Variants in COL25A1 observed in about 807,000 individuals in gnomAD.
The protein encoded by COL25A1 is collagen alpha-1(XXV) chain.
A neutral mutation model predicts 128.4 loss-of-function variants in COL25A1; 103 were observed. The ratio of observed to expected loss-of-function variants is 0.80; its 90% CI spans 0.68 to 0.94. The LOEUF is 0.94. Among genes scored for constraint, COL25A1 ranks in the 40% least tolerant of loss-of-function variants. The pLI, the probability that COL25A1 is intolerant of heterozygous loss-of-function variation, is 0.00. For missense variants in COL25A1, 745 were observed against 840.0 expected (o/e 0.89, Z 1.40); for synonymous variants, 279 against 277.2 (o/e 1.01, Z -0.06).
chr4:108,864,707 G>C (rs1454783883), intron 20 of COL25A1, among the ~76,000 whole-genome samples: 1 of 152,176 alleles, frequency 6.6e-6, no homozygotes, highest in Non-Finnish European at 1.5e-5. Flanking sequence ...TGAGACTTGA[G>C]TCGTGTCCTG....
chr4:109,252,307 T>G (rs1451388643), intron 3 of COL25A1, among the ~76,000 whole-genome samples: 1 of 152,232 alleles, frequency 6.6e-6, no homozygotes, highest in Non-Finnish European at 1.5e-5. Context: ...TGCTGGTCTC[T>G]GCTGCTGTCA....
At chr4:108,857,480 C>T (rs1453876225) in intron 24 of COL25A1, among the ~76,000 whole-genome samples, 1 of 151,680 alleles carries the variant, frequency 6.6e-6, no homozygotes, top group Non-Finnish European at 1.5e-5. Flanking sequence ...AGCAACATTT[C>T]TCCAAGCAGT....
chr4:109,002,362 A>G (rs1755526965), intron 6 of COL25A1, among the ~76,000 whole-genome samples: 1 of 152,362 alleles, frequency 6.6e-6, no homozygotes, highest in East Asian at 1.9e-4. Context: ...TACATACACA[A>G]TGGAATATTA....
At chr4:108,892,989 G>C (rs1027349854) in intron 16 of COL25A1, among the ~76,000 whole-genome samples, 2 of 152,184 alleles carry the variant, frequency 1.3e-5, no homozygotes. Flanking sequence ...GGAAGGCCCG[G>C]CACCAATTAG....
intron 3 of COL25A1, among the ~76,000 whole-genome samples, chr4:109,078,167 C>T (rs895176208): frequency 5.3e-5 from 8 of 152,164 alleles, no homozygotes; most frequent in African/African-American, 1.9e-4. Context: ...ACTTCCTAAA[C>T]TCAAAACAAC....
intron 5 of COL25A1, among the ~76,000 whole-genome samples, chr4:109,035,181 G>A (rs1759223693): frequency 6.6e-6 from 1 of 152,116 alleles, no homozygotes; most frequent in African/African-American, 2.4e-5. Context: ...GCTACTGTCA[G>A]CCAACAAAGG....
At chr4:109,277,301 C>T (rs1181142227) in intron 3 of COL25A1, among the ~76,000 whole-genome samples, 7 of 152,212 alleles carry the variant, frequency 4.6e-5, no homozygotes, top group Admixed American at 4.6e-4. Flanking sequence ...CAGAGAGAAA[C>T]TTGTGTATAA....
At chr4:109,053,368 C>T (rs1299382736) in intron 3 of COL25A1, among the ~76,000 whole-genome samples, 2 of 152,214 alleles carry the variant, frequency 1.3e-5, no homozygotes, top group Non-Finnish European at 2.9e-5. Context: ...AGGCAAGCCT[C>T]CTAAACCACG....
chr4:108,954,336 C>T lies in COL25A1; in HGVS notation c.493-12899G>A, dbSNP rs138663675. On this transcript the variant is annotated intron_variant, in intron 8 of 37. Transcript: ENST00000399132. ...TGTGGTTGATAATGTTGTTATTTAA[C>T]GAAATGCAGTACATTTTTTATATTA... 2.4e-3 allele frequency among the ~76,000 whole-genome samples: 371 copies of T among 152,096 alleles called. 1 individual carries two copies. The highest frequency in any genetic ancestry group is 3.7e-3 in the Non-Finnish European group (253 of 67,938).
chr4:109,052,309 G>A (rs150692186), intron 3 of COL25A1, among the ~76,000 whole-genome samples: 1 of 152,224 alleles, frequency 6.6e-6, no homozygotes, highest in African/African-American at 2.4e-5. Flanking sequence ...CAATCAGAAG[G>A]TTTAAAGAAA....
intron 31 of COL25A1, among the ~76,000 whole-genome samples, chr4:108,840,471 G>A (rs1734319862): frequency 6.6e-6 from 1 of 152,038 alleles, no homozygotes; most frequent in African/African-American, 2.4e-5. Flanking sequence ...GAAGAATAAA[G>A]AGGCATGAAC....
chr4:108,926,708 A>G (rs1254273257), intron 11 of COL25A1, among the ~76,000 whole-genome samples: 1 of 152,020 alleles, frequency 6.6e-6, no homozygotes, highest in Non-Finnish European at 1.5e-5. Context: ...GAGGAAATTT[A>G]TCTTACTTAA....
Position 108,862,563 on chromosome 4 carries a change from G to C in COL25A1, c.1153-18C>G. 1 of 1,605,968 alleles carries C rather than the reference G, an allele frequency of 6.2e-7. No individual in the cohort carries two copies. The highest frequency in any genetic ancestry group is 8.5e-7 in the Non-Finnish European group (1 of 1,173,210). ...TGTTTCCCCTATTACAGCAGAATAA[G>C]AGGATGAAAAAGATAAAATTATAGA... On this transcript the variant is annotated intron_variant, in intron 21 of 37. Coordinates refer to ENST00000399132, the MANE Select transcript of COL25A1 (RefSeq NM_198721.4).
chr4:109,007,806 T>C (rs1251637500), intron 6 of COL25A1, among the ~76,000 whole-genome samples: 1 of 105,140 alleles, frequency 9.5e-6, no homozygotes, highest in African/African-American at 6.3e-5. Context: ...GAAGGTGTTC[T>C]GAAGTGCCAT....
chr4:109,047,322 T>C (rs1403799037), intron 5 of COL25A1, among the ~76,000 whole-genome samples: 1 of 152,210 alleles, frequency 6.6e-6, no homozygotes, highest in Admixed American at 6.5e-5. Context: ...AAAATCAGAA[T>C]CTTCATAAGT....
intron 37 of COL25A1, among the ~76,000 whole-genome samples, chr4:108,815,096 T>C (rs1340618015): frequency 6.6e-6 from 1 of 152,154 alleles, no homozygotes; most frequent in Non-Finnish European, 1.5e-5. Flanking sequence ...ACTCTTCTTG[T>C]GTTGGTAAAT....
In COL25A1 at chr4:108,820,983, G is replaced by A. The variant is rs546764471; in HGVS notation, c.1846-1654C>T. On this transcript the variant is annotated intron_variant, in intron 35 of 37. Coordinates refer to ENST00000399132, the MANE Select transcript of COL25A1 (RefSeq NM_198721.4). Reference sequence around the variant, plus strand: ...TATTTATAGACAGGGAGTTAGTGCCGTGCAGAACTCAAAATACTATACAAT... The same window carrying A: ...TATTTATAGACAGGGAGTTAGTGCCATGCAGAACTCAAAATACTATACAAT... Among the ~76,000 whole-genome samples, 4 of 152,230 alleles carry A rather than the reference G, an allele frequency of 2.6e-5. No individual in the cohort carries two copies. The South Asian group carries it at 6.2e-4, about 24-fold the overall frequency.
At chr4:109,110,152 G>A (rs975316959) in intron 3 of COL25A1, among the ~76,000 whole-genome samples, 1 of 152,100 alleles carries the variant, frequency 6.6e-6, no homozygotes, top group Non-Finnish European at 1.5e-5. Context: ...TTAGCATCAA[G>A]AGCAAATATG....
intron 3 of COL25A1, among the ~76,000 whole-genome samples, chr4:109,286,330 G>A (rs1344329650): frequency 1.3e-5 from 2 of 152,080 alleles, no homozygotes; most frequent in Non-Finnish European, 2.9e-5. Context: ...TACACCTTGA[G>A]CATAAGGCAA....
Sources: gnomAD v4.1 joint callset for allele counts (sites outside exome capture counted in the v4.1 genomes callset) on GRCh38, gnomAD v4.1.1 for gene constraint, MANE v1.5 for transcripts, NCBI Gene and HGNC (gene_info 2026-07-23, HGNC 2026-07-21) for gene names.